The following IGF1R variants were observed in gnomAD, a reference collection of about 807,000 sequenced individuals.
The protein encoded by IGF1R is insulin-like growth factor 1 receptor.
A neutral mutation model predicts 144.6 loss-of-function variants in IGF1R; 44 were observed. The observed-to-expected ratio is 0.30, with a 90% CI of 0.24 to 0.39. IGF1R has a LOEUF of 0.39. IGF1R is among the 10% of genes least tolerant of loss of function. IGF1R has a pLI of 1.00. For missense variants in IGF1R, 1,355 were observed against 1,833.7 expected (o/e 0.74, Z 4.77); for synonymous variants, 795 against 722.8 (o/e 1.10, Z -1.60).
chr15:98,713,772 C>T (rs2054051667), intron 2 of IGF1R, among the ~76,000 whole-genome samples: 1 of 152,016 alleles, frequency 6.6e-6, no homozygotes, highest in Non-Finnish European at 1.5e-5. Flanking sequence ...TTCACTTTCC[C>T]ACAAAAAAAA....
intron 2 of IGF1R, among the ~76,000 whole-genome samples, chr15:98,782,902 G>A (rs571779443): frequency 1.3e-5 from 2 of 152,184 alleles, no homozygotes; most frequent in Non-Finnish European, 2.9e-5. Flanking sequence ...AGAAAGCAAT[G>A]TGGCTTAAAG....
chr15:98,664,301 G>A (rs561180043), intron 1 of IGF1R, among the ~76,000 whole-genome samples: 37 of 152,240 alleles, frequency 2.4e-4, no homozygotes, highest in African/African-American at 8.4e-4. Context: ...GAAGTCTACT[G>A]ATGCATTGTA....
At chr15:98,842,482 A>C (rs1320120601) in intron 2 of IGF1R, among the ~76,000 whole-genome samples, 1 of 152,232 alleles carries the variant, frequency 6.6e-6, no homozygotes, top group Non-Finnish European at 1.5e-5. Flanking sequence ...GACTTAAGGT[A>C]CTCATTTTGC....
chr15:98,649,818 C>A, intron 1 of IGF1R, 143 bp downstream of exon 1: 1 of 616,560 alleles, frequency 1.6e-6, no homozygotes, highest in South Asian at 1.9e-5. Flanking sequence ...CAGGGCGGCT[C>A]TGCCGGGAGG....
rs375218406 is a variant in IGF1R, at chr15:98,654,175, CTTT to C, written c.94+4504_94+4506del. 8.2e-3 allele frequency among the ~76,000 whole-genome samples: 1,249 copies of C among 152,226 alleles called. 28 individuals are homozygous for C. Among genetic ancestry groups the C allele is most frequent in the African/African-American group, 0.029 (1,200 of 41,512 alleles). Reference sequence around the variant, plus strand: ...TTCATCAGAAGCCTTTACCCTATACCTTTTTTGCCTCATTGGTGCTTTCCGTTA... The same window carrying C: ...TTCATCAGAAGCCTTTACCCTATACCTTTGCCTCATTGGTGCTTTCCGTTA... On this transcript the variant is annotated intron_variant, in intron 1 of 20. Coordinates refer to ENST00000650285, the MANE Select transcript of IGF1R (RefSeq NM_000875.5).
intron 2 of IGF1R, among the ~76,000 whole-genome samples, chr15:98,719,104 T>C (rs564095129): frequency 1.3e-5 from 2 of 152,340 alleles, no homozygotes; most frequent in Non-Finnish European, 2.9e-5. Context: ...CTTGAAATGA[T>C]TGGATTATTT....
intron 1 of IGF1R, among the ~76,000 whole-genome samples, chr15:98,656,715 T>C (rs1390227554): frequency 6.6e-6 from 1 of 152,160 alleles, no homozygotes; most frequent in Admixed American, 6.5e-5. Flanking sequence ...CACTCCTCAG[T>C]CTTAGCCCCC....
At chr15:98,750,827 C>T (rs2054992217) in intron 2 of IGF1R, among the ~76,000 whole-genome samples, 1 of 152,188 alleles carries the variant, frequency 6.6e-6, no homozygotes, top group Non-Finnish European at 1.5e-5. Context: ...CTTACTGTCA[C>T]CCAGGTTGGA....
chr15:98,777,996 G>A (rs1411129228), intron 2 of IGF1R, among the ~76,000 whole-genome samples: 1 of 152,200 alleles, frequency 6.6e-6, no homozygotes, highest in Non-Finnish European at 1.5e-5. Context: ...ACGGGGGTTA[G>A]ATATTTATTG....
intron 2 of IGF1R, among the ~76,000 whole-genome samples, chr15:98,863,728 A>G (rs553049888): frequency 6.8e-4 from 103 of 152,218 alleles, no homozygotes; most frequent in Non-Finnish European, 1.2e-3. Flanking sequence ...AGAAGATGAC[A>G]GGAGATGTTA....
chr15:98,882,946 G>T (rs963993724), intron 2 of IGF1R, among the ~76,000 whole-genome samples: 1 of 152,318 alleles, frequency 6.6e-6, no homozygotes, highest in East Asian at 1.9e-4. Context: ...TTCTGCTCAG[G>T]TGTACCTTTC....
chr15:98,780,097 T>C (rs545161145), intron 2 of IGF1R, among the ~76,000 whole-genome samples: 2 of 151,788 alleles, frequency 1.3e-5, no homozygotes, highest in South Asian at 4.1e-4. Context: ...GCTATTTTTT[T>C]TTTTTAAATT....
At chr15:98,701,523 G>A (rs1160283392) in intron 1 of IGF1R, among the ~76,000 whole-genome samples, 1 of 151,758 alleles carries the variant, frequency 6.6e-6, no homozygotes, top group African/African-American at 2.4e-5. Context: ...TGTATTTTTA[G>A]TAGAGATGGG....
chr15:98,886,855 T>C (rs970580146), intron 2 of IGF1R, among the ~76,000 whole-genome samples: 1 of 152,158 alleles, frequency 6.6e-6, no homozygotes, highest in African/African-American at 2.4e-5. Context: ...TCACGTTCTC[T>C]TGCTTGCCTC....
intron 2 of IGF1R, among the ~76,000 whole-genome samples, chr15:98,831,549 G>A (rs1015633394): frequency 2.6e-5 from 4 of 152,106 alleles, no homozygotes; most frequent in Non-Finnish European, 5.9e-5. Context: ...ATCATAAAAG[G>A]TCATGCCAAC....
chr15:98,710,000 C>T (rs2053955906), intron 2 of IGF1R, among the ~76,000 whole-genome samples: 1 of 152,148 alleles, frequency 6.6e-6, no homozygotes, highest in Admixed American at 6.5e-5. Context: ...TAGAAATGAG[C>T]AAGTTATTTA....
intron 5 of IGF1R, among the ~76,000 whole-genome samples, chr15:98,903,305 T>G (rs1348130433): frequency 6.6e-6 from 1 of 152,196 alleles, no homozygotes; most frequent in African/African-American, 2.4e-5. Flanking sequence ...GATTGTTGCC[T>G]TGAAAAGAAG....
At chr15:98,793,464 T>G (rs2056171147) in intron 2 of IGF1R, among the ~76,000 whole-genome samples, 1 of 152,222 alleles carries the variant, frequency 6.6e-6, no homozygotes, top group African/African-American at 2.4e-5. Context: ...GCCCTTTAAG[T>G]CACAGACTCA....
intron 2 of IGF1R, among the ~76,000 whole-genome samples, chr15:98,727,970 A>C (rs576509984): frequency 1.3e-5 from 2 of 150,542 alleles, no homozygotes; most frequent in South Asian, 4.2e-4. Flanking sequence ...ATAAAAAAGG[A>C]ACACGAGGTA....
Sources: allele counts gnomAD v4.1 joint callset (sites outside exome capture counted in the v4.1 genomes callset), GRCh38; gene constraint gnomAD v4.1.1; transcripts MANE v1.5; gene names NCBI Gene and HGNC (gene_info 2026-07-23, HGNC 2026-07-21).